Variants in COL20A1 observed in about 807,000 individuals in gnomAD.
COL20A1 encodes the protein collagen type XX alpha 1 chain, also known as collagen alpha-1(XX) chain.
A neutral mutation model predicts 152.9 loss-of-function variants in COL20A1; 164 were observed. That is an observed-to-expected ratio of 1.07 (90% CI 0.94 to 1.22). COL20A1 has a LOEUF of 1.22. COL20A1 is among the 50% of genes most tolerant of loss of function. The pLI, the probability that COL20A1 is intolerant of heterozygous loss-of-function variation, is 0.00. For missense variants in COL20A1, 1,873 were observed against 1,744.8 expected (o/e 1.07, Z -1.31); for synonymous variants, 864 against 756.0 (o/e 1.14, Z -2.34).
In COL20A1 at chr20:63,333,034, C is replaced by T. The variant is rs946133783; in HGVS notation, c.*2318C>T. On this transcript the variant is annotated 3_prime_UTR_variant, in exon 36 of 36. Coordinates refer to ENST00000358894, the MANE Select transcript of COL20A1 (RefSeq NM_020882.4). Reference sequence around the variant, plus strand: ...CATCCCTCTGGGTCCTTTTAGGAGCCCCCAGGGACTGAGCCGGGGCTCACG... The same window carrying T: ...CATCCCTCTGGGTCCTTTTAGGAGCTCCCAGGGACTGAGCCGGGGCTCACG... 10 of 152,184 alleles carry T rather than the reference C, an allele frequency of 6.6e-5. No individual in the cohort carries two copies. Among genetic ancestry groups the T allele is most frequent in the African/African-American group, 2.2e-4 (9 of 41,438 alleles). 9.4% of individuals were successfully genotyped at this position (152,184 alleles called of 1,614,324 possible).
intron 3 of COL20A1, among the ~76,000 whole-genome samples, chr20:63,298,367 C>G (rs371291933): frequency 6.6e-6 from 1 of 152,106 alleles, no homozygotes. Context: ...CACAGCTCCC[C>G]GCAGCCTCAA....
At chr20:63,310,013 CTG>C in intron 10 of COL20A1, 98 bp downstream of exon 10, 2 of 1,150,230 alleles carry the variant, frequency 1.7e-6, no homozygotes, top group Non-Finnish European at 2.4e-6. Context: ...CCACAAATAA[CTG>C]GGTCCAGGCT....
chr20:63,296,650 G>A (rs2067797513), intron 2 of COL20A1, among the ~76,000 whole-genome samples: 2 of 152,230 alleles, frequency 1.3e-5, no homozygotes, highest in African/African-American at 4.8e-5. Context: ...AGGGGTCCCT[G>A]ACGTTCTCAG....
Position 63,298,027 on chromosome 20 carries a change from A to T in COL20A1, c.193+7A>T, listed in dbSNP as rs2067821176. The T allele has an allele frequency of 1.3e-6, 2 of 1,594,218 alleles. No individual in the cohort carries two copies. Among genetic ancestry groups the T allele is most frequent in the Admixed American group, 3.3e-5 (2 of 59,872 alleles). ...CAGGTGAAGCCCATGGCAGGTGAGGACCTGCCCCTCCCAGGCCCCCTTCCC... is the reference window on the plus strand; with the variant it reads ...CAGGTGAAGCCCATGGCAGGTGAGGTCCTGCCCCTCCCAGGCCCCCTTCCC... On this transcript the variant is annotated splice_region_variant and intron_variant, in intron 3 of 35. Coordinates refer to ENST00000358894, the MANE Select transcript of COL20A1 (RefSeq NM_020882.4).
chr20:63,308,468 T>C (rs1254808219), intron 7 of COL20A1, 74 bp from the exon 8 acceptor site: 44 of 1,361,448 alleles, frequency 3.2e-5, no homozygotes, highest in Non-Finnish European at 4.2e-5. Context: ...ATCTCTGCTG[T>C]CCGGTTGCTG....
chr20:63,298,584 G>A (rs141950064), intron 3 of COL20A1, among the ~76,000 whole-genome samples: 145 of 152,134 alleles, frequency 9.5e-4, no homozygotes, highest in African/African-American at 3.4e-3. Context: ...CACCATGCCC[G>A]GTCCATATTT....
intron 11 of COL20A1, among the ~76,000 whole-genome samples, chr20:63,310,990 C>T (rs547314151): frequency 6.6e-6 from 1 of 152,118 alleles, no homozygotes; most frequent in East Asian, 1.9e-4. Context: ...TCATTTTCAT[C>T]CCCCCAGAGG....
At position 63,295,111 on chromosome 20, in the gene COL20A1, AGCT is replaced by A. The variant is rs1390193873; in HGVS notation, c.5_7del (p.Ser2_Ser3delinsThr). 1 of 1,549,938 alleles carries A rather than the reference AGCT, an allele frequency of 6.5e-7. No individual in the cohort carries two copies. The highest frequency in any genetic ancestry group is 1.2e-5 in the South Asian group (1 of 83,964). On this transcript the variant is annotated inframe_deletion, in exon 2 of 36. Transcript: ENST00000358894. ...TCCCTGCCACAGCCCGAGCACCATG[AGCT>A]CCGGAGACCCTGCACACCTCGGCCT...
At chr20:63,303,211 A>G (rs760372401) in intron 3 of COL20A1, among the ~76,000 whole-genome samples, 4 of 152,172 alleles carry the variant, frequency 2.6e-5, no homozygotes, top group Admixed American at 2.6e-4. Context: ...TATTTATCCC[A>G]TTTTCAAGCA....
intron 3 of COL20A1, among the ~76,000 whole-genome samples, chr20:63,299,365 C>T (rs914721550): frequency 1.3e-5 from 2 of 152,140 alleles, no homozygotes; most frequent in African/African-American, 2.4e-5. Flanking sequence ...TGATTGCTTC[C>T]GTTGCATGAC....
At chr20:63,310,998 A>G (rs911897083) in intron 11 of COL20A1, among the ~76,000 whole-genome samples, 2 of 151,836 alleles carry the variant, frequency 1.3e-5, no homozygotes, top group African/African-American at 2.4e-5. Context: ...ATCCCCCCAG[A>G]GGAACCCTGC....
Position 63,295,141 on chromosome 20 carries a change from T to G in COL20A1, c.34T>G (p.Cys12Gly), listed in dbSNP as rs544624291. The G allele has an allele frequency of 5.1e-5, 79 of 1,554,456 alleles. No homozygotes were observed. The East Asian group carries it at 1.9e-3, about 37-fold the overall frequency. ...SSGDPAHLGL[C>G]LWLWLGATLG... ...CGGAGACCCTGCACACCTCGGCCTC[T>G]GCCTCTGGCTGTGGCTGGGCGCCAC... is the stretch of plus-strand genomic sequence containing the variant. Residue 12 changes from cysteine (C) to glycine (G), a missense_variant, in exon 2 of 36, where the codon TGC becomes GGC. By Grantham distance (159) the Cys-to-Gly change is radical. Transcript: ENST00000358894.
chr20:63,321,339 C>T (rs1185866613), intron 26 of COL20A1, among the ~76,000 whole-genome samples: 5 of 151,928 alleles, frequency 3.3e-5, no homozygotes, highest in South Asian at 4.2e-4. Context: ...TCCTCTAGTG[C>T]GGAATCCAGT....
intron 21 of COL20A1, among the ~76,000 whole-genome samples, chr20:63,317,863 C>A (rs1426211415): frequency 6.6e-6 from 1 of 151,972 alleles, no homozygotes; most frequent in Non-Finnish European, 1.5e-5. Flanking sequence ...GGTGTAGACG[C>A]CCCCCGCCCC....
chr20:63,309,941 C>T lies in COL20A1; in HGVS notation c.1263+26C>T, dbSNP rs200364190. ...GTGAGGGGGCCGGTATACAGGGCTCCCCGAGCCGGTCCTCAGCCGTAGTGA... is the reference window on the plus strand; with the variant it reads ...GTGAGGGGGCCGGTATACAGGGCTCTCCGAGCCGGTCCTCAGCCGTAGTGA... On this transcript the variant is annotated intron_variant, in intron 10 of 35. Coordinates refer to ENST00000358894, the MANE Select transcript of COL20A1 (RefSeq NM_020882.4). 31 of 1,565,748 alleles carry T rather than the reference C, an allele frequency of 2.0e-5. No homozygotes were observed. In the African/African-American group the frequency reaches 4.2e-4, roughly 21 times the overall value.
In COL20A1 at chr20:63,308,537, C is replaced by T; in HGVS notation, c.776-5C>T. 6.3e-7 allele frequency: 1 copy of T among 1,583,654 alleles called. No individual in the cohort carries two copies. The highest frequency in any genetic ancestry group is 8.6e-7 in the Non-Finnish European group (1 of 1,165,666). The stretch of plus-strand genomic sequence containing the variant: ...GCCTGTCACTTTATTCCTGCTGCTC[C>T]CAAGGCCTTGCCCTGACCCACGTGC... On this transcript the variant is annotated splice_polypyrimidine_tract_variant and splice_region_variant and intron_variant, in intron 7 of 35. Transcript: ENST00000358894.
At chr20:63,318,372 A>C (rs2068111609) in intron 21 of COL20A1, among the ~76,000 whole-genome samples, 1 of 138,128 alleles carries the variant, frequency 7.2e-6, no homozygotes, top group South Asian at 2.6e-4. Flanking sequence ...GGCTACGGCC[A>C]TTGGGACCCC....
Position 63,313,833 on chromosome 20 carries a change from G to A in COL20A1, c.2300G>A (p.Arg767His), listed in dbSNP as rs867759324. Residue 767 changes from arginine (R) to histidine (H), a missense_variant, in exon 18 of 36, where the codon CGC becomes CAC. Coordinates refer to ENST00000358894, the MANE Select transcript of COL20A1 (RefSeq NM_020882.4). This position sits in a 1 kb window ranked among gnomAD's most constrained non-coding sequence, Gnocchi z 5.9. ...GTCAGCTGGACGCCCCCGCTTGGCC[G>A]CGTGCTCCATTACTGGCTCACCTAC... ...LQVSWTPPLG[R>H]VLHYWLTYAP... 23 of 1,611,032 alleles carry A rather than the reference G, an allele frequency of 1.4e-5. No homozygotes were observed. Among genetic ancestry groups the A allele is most frequent in the Middle Eastern group, 3.3e-4 (2 of 6,072 alleles).
At chr20:63,327,066 C>G (rs1174360728) in intron 31 of COL20A1, 2 of 439,178 alleles carry the variant, frequency 4.6e-6, no homozygotes, top group Admixed American at 9.0e-5. Flanking sequence ...CTGTTGACCA[C>G]CCAAGGACTT....
Sources: gnomAD v4.1 joint callset for allele counts (sites outside exome capture counted in the v4.1 genomes callset) on GRCh38, gnomAD v4.1.1 for gene constraint, Gnocchi (gnomAD v3.1) non-coding constraint, MANE v1.5 for transcripts, NCBI Gene and HGNC (gene_info 2026-07-23, HGNC 2026-07-21) for gene names.